Variants in PAK1 observed in about 807,000 individuals in gnomAD.
PAK1 encodes the protein p21 (RAC1) activated kinase 1, also known as serine/threonine-protein kinase PAK 1.
A neutral mutation model predicts 67.4 loss-of-function variants in PAK1; 29 were observed. That is an observed-to-expected ratio of 0.43 (90% CI 0.32 to 0.59). The LOEUF is 0.59. Ranked by LOEUF, PAK1 falls within the 20% of genes least tolerant of loss-of-function variation. The pLI is 0.07. For missense variants in PAK1, 337 were observed against 670.7 expected (o/e 0.50, Z 5.50); for synonymous variants, 223 against 237.4 (o/e 0.94, Z 0.56).
chr11:77,355,901 T>C, intron 6 of PAK1, 59 bp from the exon 7 acceptor site: 2 of 1,069,600 alleles, frequency 1.9e-6, no homozygotes, highest in Middle Eastern at 2.0e-4. Flanking sequence ...GGGGAACCTC[T>C]CCTAGATGTG....
the PAK1 span, among the ~76,000 whole-genome samples, chr11:77,485,002 T>C: frequency 6.6e-6 from 1 of 152,192 alleles, no homozygotes; most frequent in Non-Finnish European, 1.5e-5. Context: ...GTTATAATAC[T>C]GTCAGATCTT....
chr11:77,377,816 A>G (rs1949298096), intron 4 of PAK1, among the ~76,000 whole-genome samples: 1 of 152,222 alleles, frequency 6.6e-6, no homozygotes. Flanking sequence ...CTTAAACACA[A>G]ACTCTAATTT....
intron 2 of PAK1, among the ~76,000 whole-genome samples, chr11:77,389,215 T>A (rs911569943): frequency 1.3e-5 from 2 of 152,350 alleles, no homozygotes; most frequent in Middle Eastern, 6.8e-3. Context: ...TTCTTTCACT[T>A]AACACAGCAT....
intron 1 of PAK1, among the ~76,000 whole-genome samples, chr11:77,453,926 C>A (rs1565713944): frequency 6.6e-6 from 1 of 152,112 alleles, no homozygotes; most frequent in East Asian, 1.9e-4. Flanking sequence ...CAAAAAAATA[C>A]AAAAAAATTA....
chr11:77,489,595 C>G, the PAK1 span, among the ~76,000 whole-genome samples: 213 of 152,258 alleles, frequency 1.4e-3, 2 homozygotes, highest in Middle Eastern at 6.8e-3. Flanking sequence ...ATTGCAGGCG[C>G]GCGCCGCCAC....
At chr11:77,426,865 G>A (rs111556726) in intron 1 of PAK1, among the ~76,000 whole-genome samples, 4,802 of 148,914 alleles carry the variant, frequency 0.032, 130 homozygotes, top group African/African-American at 0.075. Flanking sequence ...AAAAAAATTC[G>A]GTGCTATGAT....
the PAK1 span, among the ~76,000 whole-genome samples, chr11:77,481,861 C>T: frequency 6.6e-6 from 1 of 152,082 alleles, no homozygotes; most frequent in Non-Finnish European, 1.5e-5. Context: ...GTTTGTTTTA[C>T]TCGCTACTAT....
intron 1 of PAK1, among the ~76,000 whole-genome samples, chr11:77,394,872 C>T (rs1266485826): frequency 6.6e-6 from 1 of 150,734 alleles, no homozygotes; most frequent in African/African-American, 2.4e-5. Context: ...AACAAAATAC[C>T]CTTCATTGAC....
At chr11:77,475,559 G>A (rs1349624161), upstream of PAK1, 10 of 152,324 alleles carry the variant, frequency 6.6e-5, no homozygotes, top group Admixed American at 6.5e-4. Context: ...CAAGCACACT[G>A]AAATATTAAC....
chr11:77,386,930 C>A (rs1217619831), intron 2 of PAK1, among the ~76,000 whole-genome samples: 1 of 152,112 alleles, frequency 6.6e-6, no homozygotes, highest in Non-Finnish European at 1.5e-5. Context: ...CCCACTACCA[C>A]GTCCAGCTAA....
chr11:77,498,090 G>A, the PAK1 span, among the ~76,000 whole-genome samples: 6 of 151,984 alleles, frequency 3.9e-5, no homozygotes, highest in Admixed American at 6.6e-5. Flanking sequence ...TTCTGGAAAC[G>A]TAGAACAGAA....
intron 1 of PAK1, among the ~76,000 whole-genome samples, chr11:77,462,465 A>G (rs764918134): frequency 6.6e-6 from 1 of 152,134 alleles, no homozygotes; most frequent in Non-Finnish European, 1.5e-5. Context: ...TCTTCTCCTA[A>G]TACCAGACAT....
chr11:77,329,526 C>A (rs547119583), intron 14 of PAK1, among the ~76,000 whole-genome samples: 1 of 152,144 alleles, frequency 6.6e-6, no homozygotes, highest in South Asian at 2.1e-4. Context: ...GAACTAAAGA[C>A]AAAAACCACA....
chr11:77,325,259 T>C (rs1208060238), intron 14 of PAK1: 25 of 1,595,596 alleles, frequency 1.6e-5, no homozygotes, highest in Non-Finnish European at 2.1e-5. Context: ...TTGAGCCTAT[T>C]AAGAGCAGTG....
At chr11:77,488,948 G>A in the PAK1 span, among the ~76,000 whole-genome samples, 1 of 152,064 alleles carries the variant, frequency 6.6e-6, no homozygotes, top group South Asian at 2.1e-4. Flanking sequence ...GTACAAGAAG[G>A]TTATAGAACA....
intron 14 of PAK1, among the ~76,000 whole-genome samples, chr11:77,325,571 A>G (rs990455280): frequency 6.6e-6 from 1 of 152,238 alleles, no homozygotes; most frequent in South Asian, 2.1e-4. Context: ...AAGAACTATA[A>G]TTTGGTATTT....
intron 14 of PAK1, chr11:77,329,218 G>A (rs2136045338): frequency 6.6e-6 from 1 of 152,432 alleles, no homozygotes; most frequent in South Asian, 2.1e-4. Flanking sequence ...AGGAGGAAAT[G>A]GTACCATTCC....
rs548128499 is a variant in PAK1, at chr11:77,473,715, G to A, written c.-185C>T. On this transcript the variant is annotated 5_prime_UTR_variant, in exon 1 of 15. Coordinates refer to ENST00000356341, the MANE Select transcript of PAK1 (RefSeq NM_002576.5). ...TGGCGGGGCTCCCCTCAGGACAGGG[G>A]AACTGCGAGGGAAGGGATGATGGGG... 1.4e-5 allele frequency: 2 copies of A among 139,968 alleles called. No individual in the cohort carries two copies. The highest frequency in any genetic ancestry group is 3.1e-5 in the Non-Finnish European group (2 of 63,704). 8.7% of individuals were successfully genotyped at this position (139,968 alleles called of 1,614,324 possible).
At chr11:77,480,793 G>A in the PAK1 span, among the ~76,000 whole-genome samples, 1 of 152,064 alleles carries the variant, frequency 6.6e-6, no homozygotes, top group East Asian at 1.9e-4. Context: ...CAAAGTGCTG[G>A]GATTACAGGC....
Sources: gnomAD v4.1 joint callset for allele counts (sites outside exome capture counted in the v4.1 genomes callset) on GRCh38, gnomAD v4.1.1 for gene constraint, MANE v1.5 for transcripts, NCBI Gene and HGNC (gene_info 2026-07-23, HGNC 2026-07-21) for gene names.